Variants in OTUD4 observed in about 807,000 individuals in gnomAD.
The protein encoded by OTUD4 is OTU domain-containing protein 4.
Under a neutral mutation model 130.4 loss-of-function variants are expected in OTUD4, and 24 were observed. The observed-to-expected ratio is 0.18, with a 90% CI of 0.13 to 0.26. OTUD4 has a LOEUF of 0.26. Among genes scored for constraint, OTUD4 ranks in the 10% least tolerant of loss-of-function variants. The probability of loss-of-function intolerance (pLI) is 1.00; values close to 1 mark genes in which losing one functional copy is unlikely to be tolerated. For missense variants in OTUD4, 1,031 were observed against 1,329.4 expected (o/e 0.78, Z 3.49); for synonymous variants, 420 against 472.5 (o/e 0.89, Z 1.44).
intron 5 of OTUD4, among the ~76,000 whole-genome samples, chr4:145,163,785 C>A (rs1751707070): frequency 6.7e-6 from 1 of 150,262 alleles, no homozygotes; most frequent in Non-Finnish European, 1.5e-5. Flanking sequence ...CGGCTCACTG[C>A]AACCTCCACC....
intron 13 of OTUD4, among the ~76,000 whole-genome samples, chr4:145,150,238 G>A (rs1489818941): frequency 1.3e-5 from 2 of 152,092 alleles, no homozygotes; most frequent in Non-Finnish European, 2.9e-5. Context: ...AAATAATTAA[G>A]TGCCAGAATA....
At position 145,159,116 on chromosome 4, in the gene OTUD4, A is replaced by C; in HGVS notation, c.629+387T>G. Reference sequence around the variant, plus strand: ...TATCTAAAAAGAGGCACTACCTAAGAAAGAAAACAATAAAAGAAAGTGAAG... The same window carrying C: ...TATCTAAAAAGAGGCACTACCTAAGCAAGAAAACAATAAAAGAAAGTGAAG... On this transcript the variant is annotated intron_variant, in intron 7 of 20. Transcript: ENST00000447906. 3 of 1,038,304 alleles carry C rather than the reference A, an allele frequency of 2.9e-6. No individual in the cohort carries two copies. The South Asian group carries it at 1.0e-4, about 36-fold the overall frequency. 64.3% of individuals were successfully genotyped at this position (1,038,304 alleles called of 1,614,324 possible).
chr4:145,159,100 AG>A (rs1349825521), intron 7 of OTUD4: 1 of 1,018,920 alleles, frequency 9.8e-7, no homozygotes, highest in East Asian at 1.1e-4. Context: ...TTATCTAAAA[AG>A]AGGCACTACC....
intron 16 of OTUD4, 77 bp downstream of exon 16, chr4:145,143,869 C>G: frequency 9.3e-7 from 1 of 1,072,854 alleles, no homozygotes; most frequent in Non-Finnish European, 1.4e-6. Context: ...TTATTTTCAC[C>G]TTCTTCCACT....
rs879923862 is a variant in OTUD4 at position 145,155,408 on chromosome 4, T to C, written c.873+3A>G. Reference sequence around the variant, plus strand: ...CTCTTCTTCTTTTACATAAGTCACTTACTTGACATTTGTCTCCAACTTCAT... The same window carrying C: ...CTCTTCTTCTTTTACATAAGTCACTCACTTGACATTTGTCTCCAACTTCAT... On this transcript the variant is annotated splice_donor_region_variant and intron_variant, in intron 10 of 20. Coordinates refer to ENST00000447906, the MANE Select transcript of OTUD4 (RefSeq NM_001366057.1). 6 of 1,607,448 alleles carry C rather than the reference T, an allele frequency of 3.7e-6. No individual in the cohort carries two copies. The African/African-American group carries it at 8.0e-5, about 22-fold the overall frequency.
intron 1 of OTUD4, among the ~76,000 whole-genome samples, chr4:145,176,487 A>G (rs1168233092): frequency 6.6e-6 from 1 of 150,742 alleles, no homozygotes; most frequent in Non-Finnish European, 1.5e-5. Flanking sequence ...GGAGTTTGAG[A>G]CTAGCCTGGT....
Position 145,152,594 on chromosome 4 carries a change from A to G in OTUD4, c.915T>C (p.Val305=). Reference sequence around the variant, plus strand: ...GTCCATTCTCAGAATGAATTCCTTGAACATCTGCATTCAAAAATTTTCCAT... The same window carrying G: ...GTCCATTCTCAGAATGAATTCCTTGGACATCTGCATTCAAAAATTTTCCAT... ...DHNGKFLNAD[V]QGIHSENGPV... The change falls in exon 11 of 21, where the codon GTT becomes GTC. Residue 305 remains valine, a synonymous_variant. Coordinates refer to ENST00000447906, the MANE Select transcript of OTUD4 (RefSeq NM_001366057.1). 6.2e-7 allele frequency: 1 copy of G among 1,612,392 alleles called. No individual in the cohort carries two copies. Among genetic ancestry groups the G allele is most frequent in the Non-Finnish European group, 8.5e-7 (1 of 1,178,656 alleles).
intron 6 of OTUD4, among the ~76,000 whole-genome samples, chr4:145,161,251 C>T (rs978023982): frequency 2.3e-4 from 35 of 152,306 alleles, no homozygotes; most frequent in African/African-American, 8.2e-4. Context: ...ATCACCCAAA[C>T]CACAGGCACT....
rs1752249953 is a variant in OTUD4 at position 145,172,964 on chromosome 4, T to A, written c.244-1244A>T. ...CCACCTATGCCATGGCTGAACAATGTCAGTAACAAGGCATAATACTTTCTA... is the reference window on the plus strand; with the variant it reads ...CCACCTATGCCATGGCTGAACAATGACAGTAACAAGGCATAATACTTTCTA... On this transcript the variant is annotated intron_variant, in intron 2 of 20. Transcript: ENST00000447906. Among the ~76,000 whole-genome samples, 2 of 152,284 alleles carry A rather than the reference T, an allele frequency of 1.3e-5. 1 individual carries two copies. Among genetic ancestry groups the A allele is most frequent in the South Asian group, 4.1e-4 (2 of 4,826 alleles).
At chr4:145,170,644 G>T (rs1484536580) in intron 3 of OTUD4, 1 of 152,168 alleles carries the variant, frequency 6.6e-6, no homozygotes, top group Non-Finnish European at 1.5e-5. Flanking sequence ...CATCCCCAGG[G>T]TGACTAGGAA....
At chr4:145,172,123 A>G (rs546356240) in intron 2 of OTUD4, among the ~76,000 whole-genome samples, 14 of 152,198 alleles carry the variant, frequency 9.2e-5, no homozygotes, top group Non-Finnish European at 2.1e-4. Context: ...ACTGAGTGGG[A>G]GAAGAACCCA....
At chr4:145,170,614 TG>T (rs1156907838) in intron 3 of OTUD4, among the ~76,000 whole-genome samples, 3 of 152,240 alleles carry the variant, frequency 2.0e-5, no homozygotes, top group Non-Finnish European at 4.4e-5. Context: ...GAAACTTTTT[TG>T]TTATCTACAT....
At chr4:145,170,608 CTTT>C (rs892707995) in intron 3 of OTUD4, among the ~76,000 whole-genome samples, 2 of 152,150 alleles carry the variant, frequency 1.3e-5, no homozygotes, top group Admixed American at 6.5e-5. Flanking sequence ...GATAGGGAAA[CTTT>C]TTTGTTATCT....
intron 17 of OTUD4, among the ~76,000 whole-genome samples, chr4:145,142,627 T>C (rs1397766076): frequency 2.6e-5 from 4 of 152,262 alleles, no homozygotes; most frequent in South Asian, 2.1e-4. Context: ...GCTCAAGCGA[T>C]CTGCCCGCCT....
At chr4:145,154,483 A>T (rs942941546) in intron 10 of OTUD4, among the ~76,000 whole-genome samples, 7 of 152,252 alleles carry the variant, frequency 4.6e-5, no homozygotes, top group Admixed American at 2.0e-4. Context: ...TAGTTTTTTT[A>T]AAAGGCAACA....
In OTUD4 at chr4:145,142,349, T is replaced by C. The variant is rs193297375; in HGVS notation, c.1684-15A>G. Reference sequence around the variant, plus strand: ...TCTGCTGGCTTCTTCAAGAAAGGGGTGAGTGGGGGAAGACAGAAAAAGACA... The same window carrying C: ...TCTGCTGGCTTCTTCAAGAAAGGGGCGAGTGGGGGAAGACAGAAAAAGACA... On this transcript the variant is annotated splice_polypyrimidine_tract_variant and intron_variant, in intron 17 of 20. Transcript: ENST00000447906. 3.9e-5 allele frequency: 63 copies of C among 1,612,284 alleles called. No individual in the cohort carries two copies. In the African/African-American group the frequency reaches 6.8e-4, roughly 17 times the overall value.
chr4:145,176,297 T>TA (rs1045316219), intron 1 of OTUD4, among the ~76,000 whole-genome samples: 143 of 144,572 alleles, frequency 9.9e-4, no homozygotes, highest in African/African-American at 1.2e-3. Flanking sequence ...GGTTATGGTT[T>TA]AAAAAAAAAA....
chr4:145,156,312 CAT>C (rs1033887836), intron 7 of OTUD4, among the ~76,000 whole-genome samples: 28 of 152,300 alleles, frequency 1.8e-4, no homozygotes, highest in African/African-American at 4.3e-4. Flanking sequence ...TTAATATACA[CAT>C]GAGGCCCCGT....
chr4:145,158,671 C>G (rs774732131), intron 7 of OTUD4, among the ~76,000 whole-genome samples: 33 of 152,106 alleles, frequency 2.2e-4, no homozygotes, highest in Non-Finnish European at 4.7e-4. Context: ...ACAATGTATA[C>G]TTTTAGCTTC....
Sources: allele counts gnomAD v4.1 joint callset (sites outside exome capture counted in the v4.1 genomes callset), GRCh38; gene constraint gnomAD v4.1.1; transcripts MANE v1.5; gene names NCBI Gene and HGNC (gene_info 2026-07-23, HGNC 2026-07-21).